TMC2: variants seen among roughly 807,000 people sequenced by gnomAD.
TMC2 encodes transmembrane channel like 2.
TMC2 carries 102 observed loss-of-function variants against 105.9 expected under a neutral mutation model. The observed-to-expected ratio is 0.96, with a 90% CI of 0.82 to 1.14. The LOEUF is 1.14. Among genes scored for constraint, TMC2 ranks in the 50% most tolerant of loss-of-function variants. The pLI is 0.00. For missense variants in TMC2, 1,093 were observed against 1,134.3 expected, an observed-to-expected ratio of 0.96 and a Z score of 0.52; for synonymous variants, 402 against 422.8, an observed-to-expected ratio of 0.95 and a Z score of 0.60.
chr20:2,561,777 G>C (rs545261775), intron 3 of TMC2, 81 bp from the exon 4 acceptor site: 1 of 1,499,060 alleles, frequency 6.7e-7, no homozygotes, highest in East Asian at 2.3e-5. Context: ...ATCTTCCATG[G>C]GCCCCTCCTC....
intron 2 of TMC2, among the ~76,000 whole-genome samples, chr20:2,541,656 A>G (rs1014415744): frequency 2.6e-5 from 4 of 151,884 alleles, no homozygotes; most frequent in African/African-American, 7.3e-5. Context: ...CAAAAAAAAA[A>G]AAAGAAAGAA....
In TMC2 at chr20:2,592,215, G is replaced by C. The variant is rs150094653; in HGVS notation, c.835-95G>C. On this transcript the variant is annotated intron_variant, in intron 7 of 19. Transcript: ENST00000358864. The surrounding 1 kb of genome is among the most constrained non-coding windows in gnomAD (Gnocchi z 4.9). ...AGAAAGAAGAAAATAGGTGTATTCC[G>C]CTCTGAGAAGGAAAGCATTTACCCC... 1.3e-6 allele frequency: 1 copy of C among 748,704 alleles called. No individual in the cohort carries two copies. The highest frequency in any genetic ancestry group is 2.3e-6 in the Non-Finnish European group (1 of 429,468). 46.4% of individuals were successfully genotyped at this position (748,704 alleles called of 1,614,324 possible).
In TMC2 at chr20:2,565,232, GAGTGTGGTATGTATAACA is replaced by G. The variant is rs1455787862; in HGVS notation, c.554+3224_554+3241del. 2.0e-5 allele frequency among the ~76,000 whole-genome samples: 3 copies of G among 152,202 alleles called. 1 individual carries two copies. The highest frequency in any genetic ancestry group is 4.4e-5 in the Non-Finnish European group (3 of 68,036). On this transcript the variant is annotated intron_variant, in intron 4 of 19. Coordinates refer to ENST00000358864, the MANE Select transcript of TMC2 (RefSeq NM_080751.3). Reference sequence around the variant, plus strand: ...TGCCCTTTGTGCCAGGCACTGTTCTGAGTGTGGTATGTATAACAATTCACTGAATCCTCACAATCACCC... The same window carrying G: ...TGCCCTTTGTGCCAGGCACTGTTCTGATTCACTGAATCCTCACAATCACCC...
chr20:2,597,164 A>G lies in TMC2; in HGVS notation c.1090A>G (p.Thr364Ala). The part of the protein sequence containing the change: ...IIVIRSMASN[T>A]QGSTGEGESD... ...TGTGCCCTACAGGATGGCCAGCAAT[A>G]CCCAAGGAAGCACAGGCGAAGGGGA... Residue 364 changes from threonine to alanine, a missense_variant, in exon 10 of 20, where the codon ACC (threonine) becomes GCC (alanine). Transcript: ENST00000358864. 5 of 1,614,036 alleles carry G rather than the reference A, an allele frequency of 3.1e-6. No homozygotes were observed. Among genetic ancestry groups the G allele is most frequent in the Non-Finnish European group, 4.2e-6 (5 of 1,179,952 alleles).
intron 5 of TMC2, among the ~76,000 whole-genome samples, chr20:2,576,818 A>T (rs73570280): frequency 9.9e-5 from 15 of 152,062 alleles, no homozygotes; most frequent in African/African-American, 3.4e-4. Flanking sequence ...AAAGTACTCA[A>T]GGCAAATGCT....
intron 19 of TMC2, 107 bp downstream of exon 19, chr20:2,637,698 C>A: frequency 1.3e-6 from 1 of 778,964 alleles, no homozygotes; most frequent in Non-Finnish European, 2.1e-6. Flanking sequence ...AAATCAGAAT[C>A]CTAACAATTA....
chr20:2,556,346 T>C (rs2085985403), intron 2 of TMC2, among the ~76,000 whole-genome samples: 1 of 152,236 alleles, frequency 6.6e-6, no homozygotes, highest in African/African-American at 2.4e-5. Flanking sequence ...CCCAAAGTGC[T>C]GGGATTACAG....
At position 2,558,809 on chromosome 20, in the gene TMC2, G is replaced by C. The variant is rs752685207; in HGVS notation, c.401+35G>C. 8.7e-6 allele frequency: 13 copies of C among 1,494,862 alleles called. No homozygotes were observed. The East Asian group carries it at 3.0e-4, about 35-fold the overall frequency. 92.6% of individuals were successfully genotyped at this position (1,494,862 alleles called of 1,614,324 possible). ...GGCTCCGATTCTGGGCATTCGCTCC[G>C]CGCGCTCCCGCTCCTTCGCGGCCCT... is the stretch of plus-strand genomic sequence containing the variant. On this transcript the variant is annotated intron_variant, in intron 3 of 19. Transcript: ENST00000358864. This position sits in a 1 kb window ranked among gnomAD's most constrained non-coding sequence, Gnocchi z 4.6.
chr20:2,611,514 A>G (rs1277597077), intron 12 of TMC2, among the ~76,000 whole-genome samples: 1 of 152,036 alleles, frequency 6.6e-6, no homozygotes, highest in East Asian at 1.9e-4. Context: ...TGACTAGTTG[A>G]CTAATCCTTC....
At position 2,613,337 on chromosome 20, in the gene TMC2, C is replaced by A; in HGVS notation, c.1872+15C>A. 8 of 1,614,026 alleles carry A rather than the reference C, an allele frequency of 5.0e-6. No homozygotes were observed. Among genetic ancestry groups the A allele is most frequent in the Non-Finnish European group, 6.8e-6 (8 of 1,179,950 alleles). On this transcript the variant is annotated intron_variant, in intron 14 of 19. Transcript: ENST00000358864. ...AGGCTGGATTTGTAGGTCACCACTTCATGGACATTCCGCACAAAGGAATTT... is the reference window on the plus strand; with the variant it reads ...AGGCTGGATTTGTAGGTCACCACTTAATGGACATTCCGCACAAAGGAATTT...
At chr20:2,582,690 G>T (rs2086202787) in intron 7 of TMC2, among the ~76,000 whole-genome samples, 1 of 152,008 alleles carries the variant, frequency 6.6e-6, no homozygotes, top group Non-Finnish European at 1.5e-5. Context: ...TGGCCAGGCT[G>T]GTCTCAAACT....
At chr20:2,586,713 G>A (rs115458735) in intron 7 of TMC2, among the ~76,000 whole-genome samples, 1,712 of 152,140 alleles carry the variant, frequency 0.011, 35 homozygotes, top group African/African-American at 0.039. Flanking sequence ...ATCTGCCCTC[G>A]TGATCCAGTA....
At chr20:2,606,891 CTTTTTTTTTT>C (rs11476357) in intron 11 of TMC2, among the ~76,000 whole-genome samples, 1 of 83,980 alleles carries the variant, frequency 1.2e-5, no homozygotes, top group Non-Finnish European at 2.2e-5. Flanking sequence ...TTTCTTTTTT[CTTTTTTTTTT>C]TTTTTTTTTG....
At position 2,592,460 on chromosome 20, in the gene TMC2, A is replaced by G. The variant is rs1374756404; in HGVS notation, c.933+52A>G. ...TTCCATTTGTGATTATAAAGGCTAAAGATTGCATGGATAAGTATGAAATAG... is the reference window on the plus strand; with the variant it reads ...TTCCATTTGTGATTATAAAGGCTAAGGATTGCATGGATAAGTATGAAATAG... On this transcript the variant is annotated intron_variant, in intron 8 of 19. Transcript: ENST00000358864. This position sits in a 1 kb window ranked among gnomAD's most constrained non-coding sequence, Gnocchi z 4.9. The G allele has an allele frequency of 4.2e-6, 5 of 1,204,354 alleles. No individual in the cohort carries two copies. The African/African-American group carries it at 7.5e-5, about 18-fold the overall frequency. 74.6% of individuals were successfully genotyped at this position (1,204,354 alleles called of 1,614,324 possible).
At chr20:2,639,973 A>G (rs2086676846) in intron 19 of TMC2, among the ~76,000 whole-genome samples, 1 of 152,272 alleles carries the variant, frequency 6.6e-6, no homozygotes, top group East Asian at 1.9e-4. Context: ...AATGACTGAC[A>G]GTTTAGGAAT....
intron 19 of TMC2, 47 bp downstream of exon 19, chr20:2,637,638 A>G (rs1045162415): frequency 1.6e-6 from 2 of 1,284,260 alleles, no homozygotes; most frequent in Admixed American, 3.4e-5. Context: ...CCACATGGAA[A>G]GGTGTAAAGA....
intron 10 of TMC2, among the ~76,000 whole-genome samples, chr20:2,600,776 A>T (rs903609300): frequency 5.9e-5 from 9 of 151,632 alleles, no homozygotes; most frequent in African/African-American, 2.2e-4. Flanking sequence ...GTGAGCCGAG[A>T]TTGTGCCACT....
intron 17 of TMC2, among the ~76,000 whole-genome samples, chr20:2,629,291 GTTAA>G (rs1407782747): frequency 6.6e-6 from 1 of 151,990 alleles, no homozygotes; most frequent in South Asian, 2.1e-4. Context: ...GGAAAAACAA[GTTAA>G]TTAATATTTG....
chr20:2,623,353 C>G (rs1015177504), intron 16 of TMC2, among the ~76,000 whole-genome samples: 1 of 151,994 alleles, frequency 6.6e-6, no homozygotes, highest in Admixed American at 6.6e-5. Context: ...GCCTGGCCAA[C>G]ATGGTGAAAC....
Sources: allele counts gnomAD v4.1 joint callset (sites outside exome capture counted in the v4.1 genomes callset), GRCh38; gene constraint gnomAD v4.1.1; non-coding constraint Gnocchi (gnomAD v3.1); transcripts MANE v1.5; gene names NCBI Gene and HGNC (gene_info 2026-07-23, HGNC 2026-07-21).